The following POU6F2 variants were observed in gnomAD, a reference collection of about 807,000 sequenced individuals.
POU6F2 encodes POU class 6 homeobox 2.
Under a neutral mutation model 71.3 loss-of-function variants are expected in POU6F2, and 31 were observed. That is an observed-to-expected ratio of 0.43 (90% confidence interval 0.33 to 0.59). The LOEUF (loss-of-function observed/expected upper bound fraction) is 0.59, where lower values mean the gene tolerates loss of function less well. Among genes scored for constraint, POU6F2 ranks in the 20% least tolerant of loss-of-function variants. POU6F2 has a pLI of 0.04. For missense variants in POU6F2, 783 were observed against 856.8 expected (o/e 0.91, Z 1.07); for synonymous variants, 347 against 355.7 (o/e 0.98, Z 0.27).
intron 2 of POU6F2, among the ~76,000 whole-genome samples, chr7:39,098,212 C>G (rs188397022): frequency 6.6e-6 from 1 of 151,630 alleles, no homozygotes; most frequent in South Asian, 2.1e-4. Flanking sequence ...TATTTACTTA[C>G]GTTTTTACAT....
chr7:39,194,614 T>A (rs1002605475), intron 2 of POU6F2, among the ~76,000 whole-genome samples: 1 of 151,822 alleles, frequency 6.6e-6, no homozygotes, highest in Non-Finnish European at 1.5e-5. Flanking sequence ...CAGCAGGATG[T>A]GGGCTGGGCC....
intron 4 of POU6F2, among the ~76,000 whole-genome samples, chr7:39,241,598 A>G (rs1406726741): frequency 6.6e-6 from 1 of 152,198 alleles, no homozygotes; most frequent in African/African-American, 2.4e-5. Flanking sequence ...TATAACATGT[A>G]TTCGTAGGAA....
chr7:39,311,932 G>A (rs530099502), intron 4 of POU6F2, among the ~76,000 whole-genome samples: 4 of 151,882 alleles, frequency 2.6e-5, no homozygotes, highest in South Asian at 4.2e-4. Flanking sequence ...AGAATTAGGG[G>A]CTACAGAAAC....
Position 39,115,510 on chromosome 7 carries a change from A to G in POU6F2, c.277+29479A>G, listed in dbSNP as rs557130123. Among the ~76,000 whole-genome samples the G allele has an allele frequency of 1.2e-3, 188 of 152,270 alleles. 1 individual carries two copies. Among genetic ancestry groups the G allele is most frequent in the Non-Finnish European group, 2.1e-3 (141 of 68,026 alleles). ...AGTAGAGCCTGCTGGTCTCCTTCAC[A>G]TGAAGTTCCTTATGGCTTTAAAGCC... On this transcript the variant is annotated intron_variant, in intron 2 of 9. Coordinates refer to ENST00000518318, the MANE Select transcript of POU6F2 (RefSeq NM_001370959.1).
intron 5 of POU6F2, among the ~76,000 whole-genome samples, chr7:39,362,271 T>C (rs1226161261): frequency 7.0e-6 from 1 of 143,554 alleles, no homozygotes; most frequent in East Asian, 2.0e-4. Flanking sequence ...TTGAAAGCTA[T>C]CAATGGCCAG....
At chr7:39,416,380 G>C (rs1156334625) in intron 6 of POU6F2, among the ~76,000 whole-genome samples, 1 of 152,166 alleles carries the variant, frequency 6.6e-6, no homozygotes, top group Non-Finnish European at 1.5e-5. Flanking sequence ...AATGAGGAAA[G>C]AAATGCATGG....
At chr7:39,433,309 A>G (rs1347784575) in intron 7 of POU6F2, 26 bp downstream of exon 7, 1 of 1,612,912 alleles carries the variant, frequency 6.2e-7, no homozygotes, top group African/African-American at 1.3e-5. Context: ...CAAGGCAGCC[A>G]TGGCACAGGA....
intron 1 of POU6F2, among the ~76,000 whole-genome samples, chr7:39,043,851 T>A (rs1378640626): frequency 1.3e-5 from 2 of 151,906 alleles, no homozygotes; most frequent in East Asian, 3.9e-4. Context: ...CTTGATCCAT[T>A]CTGCCCCCTT....
In POU6F2 at chr7:39,419,611, A is replaced by G. The variant is rs1226523896; in HGVS notation, c.1113+12871A>G. ...TTTAAGTGGGTCATCCAGCATTACT[A>G]TATCTCATGAAAATGGCAATTGTTT... On this transcript the variant is annotated intron_variant, in intron 6 of 9. Transcript: ENST00000518318. 3.9e-5 allele frequency among the ~76,000 whole-genome samples: 6 copies of G among 152,124 alleles called. No individual in the cohort carries two copies. In the East Asian group the frequency reaches 7.7e-4, roughly 20 times the overall value.
intron 4 of POU6F2, among the ~76,000 whole-genome samples, chr7:39,209,146 G>A: frequency 6.6e-6 from 1 of 151,922 alleles, no homozygotes; most frequent in Non-Finnish European, 1.5e-5. Context: ...ATTAATGATT[G>A]GTCCAACGTG....
intron 1 of POU6F2, among the ~76,000 whole-genome samples, chr7:38,993,844 T>C (rs1388427801): frequency 6.6e-6 from 1 of 151,938 alleles, no homozygotes; most frequent in African/African-American, 2.4e-5. Flanking sequence ...TCCAAAGGAG[T>C]AACATGTTCT....
intron 2 of POU6F2, among the ~76,000 whole-genome samples, chr7:39,184,781 T>A (rs987772657): frequency 7.9e-5 from 12 of 152,294 alleles, no homozygotes; most frequent in African/African-American, 2.9e-4. Flanking sequence ...GGTGGGAGAT[T>A]TAATGGTTTT....
At chr7:38,979,720 T>A (rs367874645) in intron 1 of POU6F2, among the ~76,000 whole-genome samples, 1 of 152,302 alleles carries the variant, frequency 6.6e-6, no homozygotes, top group African/African-American at 2.4e-5. Flanking sequence ...CTTGAGCCCC[T>A]GATCACTGTC....
intron 4 of POU6F2, among the ~76,000 whole-genome samples, chr7:39,332,950 G>T (rs575570832): frequency 6.6e-6 from 1 of 152,178 alleles, no homozygotes; most frequent in East Asian, 1.9e-4. Flanking sequence ...ACATTAGAAT[G>T]TTTTCTCAAT....
At chr7:39,199,106 C>G (rs1006123130) in intron 2 of POU6F2, among the ~76,000 whole-genome samples, 1 of 152,106 alleles carries the variant, frequency 6.6e-6, no homozygotes, top group African/African-American at 2.4e-5. Context: ...ACTCTCTATC[C>G]AAAGAACCCA....
intron 2 of POU6F2, among the ~76,000 whole-genome samples, chr7:39,190,631 CTTTTTTTT>C (rs58654872): frequency 8.1e-5 from 6 of 74,202 alleles, no homozygotes; most frequent in African/African-American, 1.2e-4. Context: ...GAGTCAACTT[CTTTTTTTT>C]TTTTTTTTTT....
At chr7:38,999,677 G>C (rs1788841781) in intron 1 of POU6F2, among the ~76,000 whole-genome samples, 1 of 152,076 alleles carries the variant, frequency 6.6e-6, no homozygotes, top group Admixed American at 6.6e-5. Context: ...CCTCCTGTTT[G>C]GTCGACATAT....
At chr7:39,008,398 G>C (rs1435452547) in intron 1 of POU6F2, among the ~76,000 whole-genome samples, 1 of 152,038 alleles carries the variant, frequency 6.6e-6, no homozygotes, top group East Asian at 1.9e-4. Flanking sequence ...ATTTGTTTGA[G>C]TTCATTGTAG....
chr7:39,179,231 G>A (rs1023959840), intron 2 of POU6F2, among the ~76,000 whole-genome samples: 9 of 152,300 alleles, frequency 5.9e-5, no homozygotes, highest in Middle Eastern at 3.4e-3. Flanking sequence ...TCATTCTTCC[G>A]GTGAGGTGGA....
Sources: allele counts gnomAD v4.1 joint callset (sites outside exome capture counted in the v4.1 genomes callset), GRCh38; gene constraint gnomAD v4.1.1; transcripts MANE v1.5; gene names NCBI Gene and HGNC (gene_info 2026-07-23, HGNC 2026-07-21).